Variants in NRXN3 observed in about 807,000 individuals in gnomAD.
The protein encoded by NRXN3 is neurexin 3, also known as neurexin III.
Under a neutral mutation model 137.6 loss-of-function variants are expected in NRXN3, and 32 were observed. The observed-to-expected ratio is 0.23, with a 90% CI of 0.18 to 0.31. The LOEUF is 0.31. Among genes scored for constraint, NRXN3 ranks in the 10% least tolerant of loss-of-function variants. The pLI is 1.00. For synonymous variants in NRXN3, 798 were observed against 784.5 expected (o/e 1.02, Z -0.29); for missense variants, 1,574 against 2,062.5 (o/e 0.76, Z 4.59).
chr14:78,549,009 T>C (rs1169332475), intron 4 of NRXN3, among the ~76,000 whole-genome samples: 1 of 152,212 alleles, frequency 6.6e-6, no homozygotes, highest in African/African-American at 2.4e-5. Flanking sequence ...GGACCAGGAC[T>C]CTCACTTCCC....
chr14:79,844,036 A>C (rs1046467842), intron 20 of NRXN3, among the ~76,000 whole-genome samples: 1 of 152,086 alleles, frequency 6.6e-6, no homozygotes. Context: ...ACTTAGTATA[A>C]ATGGCCTCGC....
At chr14:79,180,914 A>G (rs529432952) in intron 15 of NRXN3, among the ~76,000 whole-genome samples, 2 of 152,252 alleles carry the variant, frequency 1.3e-5, no homozygotes, top group African/African-American at 4.8e-5. Flanking sequence ...ATACTGTGAA[A>G]TATGGTCAGG....
intron 4 of NRXN3, among the ~76,000 whole-genome samples, chr14:78,440,522 T>A (rs2094209537): frequency 6.6e-6 from 1 of 152,084 alleles, no homozygotes; most frequent in Non-Finnish European, 1.5e-5. Flanking sequence ...GGAGTTTATC[T>A]CACTCGTGCA....
At chr14:78,763,169 T>G (rs1292313235) in intron 8 of NRXN3, among the ~76,000 whole-genome samples, 1 of 152,212 alleles carries the variant, frequency 6.6e-6, no homozygotes, top group Non-Finnish European at 1.5e-5. Flanking sequence ...ACAGGTCCAC[T>G]GCATTAATCA....
At chr14:79,649,667 A>C (rs2098467095) in intron 16 of NRXN3, among the ~76,000 whole-genome samples, 1 of 152,176 alleles carries the variant, frequency 6.6e-6, no homozygotes, top group South Asian at 2.1e-4. Context: ...GAAAGTAGAA[A>C]AGCTGGTTGA....
chr14:78,903,434 G>A (rs79445826), intron 10 of NRXN3, among the ~76,000 whole-genome samples: 14,846 of 151,922 alleles, frequency 0.098, 814 homozygotes, highest in African/African-American at 0.15. Flanking sequence ...GAGCCACTGC[G>A]TCTGACTGAA....
intron 2 of NRXN3, among the ~76,000 whole-genome samples, chr14:78,255,169 G>GAAAAAA (rs35233538): frequency 2.3e-5 from 2 of 86,118 alleles, no homozygotes; most frequent in African/African-American, 4.8e-5. Context: ...CACAGCAGCA[G>GAAAAAA]AAAAAAAAAA....
chr14:78,503,002 T>C (rs11626833), intron 4 of NRXN3, among the ~76,000 whole-genome samples: 62,474 of 152,066 alleles, frequency 0.41, 13,010 homozygotes, highest in East Asian at 0.51. Flanking sequence ...ATAAATTTTG[T>C]GTTAGAGGAG....
At chr14:79,443,721 T>C (rs1402890534) in intron 15 of NRXN3, among the ~76,000 whole-genome samples, 1 of 152,222 alleles carries the variant, frequency 6.6e-6, no homozygotes, top group East Asian at 1.9e-4. Flanking sequence ...AGAAGGGTCC[T>C]GTCCTATTTA....
chr14:79,028,910 G>C (rs749963491), intron 15 of NRXN3, among the ~76,000 whole-genome samples: 10 of 152,140 alleles, frequency 6.6e-5, no homozygotes, highest in Non-Finnish European at 1.2e-4. Context: ...TCTTGTTCCA[G>C]ACCAAGTGCA....
chr14:78,193,268 G>C (rs1296312089), intron 1 of NRXN3, among the ~76,000 whole-genome samples: 1 of 152,166 alleles, frequency 6.6e-6, no homozygotes, highest in East Asian at 1.9e-4. Flanking sequence ...GGAAATACTT[G>C]AACTGAGGCT....
chr14:79,197,621 C>T (rs749648010), intron 15 of NRXN3, among the ~76,000 whole-genome samples: 26 of 151,546 alleles, frequency 1.7e-4, no homozygotes, highest in Non-Finnish European at 2.1e-4. Context: ...TCTAATTATC[C>T]GTTGTCTTTG....
intron 8 of NRXN3, among the ~76,000 whole-genome samples, chr14:78,762,877 A>G (rs1249959476): frequency 6.6e-6 from 1 of 152,214 alleles, no homozygotes; most frequent in Non-Finnish European, 1.5e-5. Flanking sequence ...GCTAAGTCAG[A>G]GAAGGCATCA....
chr14:78,716,108 C>T (rs1259465567), intron 8 of NRXN3, among the ~76,000 whole-genome samples: 1 of 152,146 alleles, frequency 6.6e-6, no homozygotes, highest in Admixed American at 6.5e-5. Flanking sequence ...ACCCTGTAGA[C>T]TGGGCCAGAA....
At chr14:79,237,716 AG>A (rs2073637660) in intron 15 of NRXN3, among the ~76,000 whole-genome samples, 1 of 152,184 alleles carries the variant, frequency 6.6e-6, no homozygotes, top group Non-Finnish European at 1.5e-5. Context: ...CCTACCCTGG[AG>A]AAGCTTATTG....
At chr14:79,284,921 A>G (rs1158887791) in intron 15 of NRXN3, among the ~76,000 whole-genome samples, 1 of 152,110 alleles carries the variant, frequency 6.6e-6, no homozygotes, top group Admixed American at 6.6e-5. Flanking sequence ...GATAAGATTT[A>G]TATATCTTTG....
At chr14:79,580,704 A>G (rs773615360) in intron 16 of NRXN3, among the ~76,000 whole-genome samples, 13 of 152,162 alleles carry the variant, frequency 8.5e-5, no homozygotes, top group Non-Finnish European at 1.8e-4. Flanking sequence ...AAGTTCAGTT[A>G]ACTCAGAATG....
intron 10 of NRXN3, among the ~76,000 whole-genome samples, chr14:78,910,138 G>A (rs1422173901): frequency 6.6e-6 from 1 of 152,012 alleles, no homozygotes; most frequent in Non-Finnish European, 1.5e-5. Context: ...CACTGTTCTT[G>A]CTGTAGGAGA....
At chr14:78,282,101 C>G (rs1156993927) in intron 3 of NRXN3, 2 of 494,774 alleles carry the variant, frequency 4.0e-6, no homozygotes, top group Non-Finnish European at 8.1e-6. Flanking sequence ...GGGAAAGGAC[C>G]TATCCAAGGC....
Sources: gnomAD v4.1 joint callset for allele counts (sites outside exome capture counted in the v4.1 genomes callset) on GRCh38, gnomAD v4.1.1 for gene constraint, MANE v1.5 for transcripts, NCBI Gene and HGNC (gene_info 2026-07-23, HGNC 2026-07-21) for gene names.